Variants in MTF2 observed in about 807,000 individuals in gnomAD.
MTF2 encodes metal-response element-binding transcription factor 2.
MTF2 carries 11 observed loss-of-function variants against 79.5 expected under a neutral mutation model. The ratio of observed to expected loss-of-function variants is 0.14; its 90% CI spans 0.09 to 0.23. MTF2 has a LOEUF of 0.23. MTF2 is among the 10% of genes least tolerant of loss of function. MTF2 has a pLI of 1.00. For missense variants in MTF2, 486 were observed against 711.2 expected, an observed-to-expected ratio of 0.68 and a Z score of 3.60; for synonymous variants, 208 against 232.8, an observed-to-expected ratio of 0.89 and a Z score of 0.97.
rs1478126570 is a variant in MTF2 at position 93,133,662 on chromosome 1, CTTTATGCAGAGATTAAATGCA to C, written c.1161-39_1161-19del. The C allele has an allele frequency of 7.0e-7, 1 of 1,419,612 alleles. No individual in the cohort carries two copies. The highest frequency in any genetic ancestry group is 2.3e-5 in the East Asian group (1 of 43,664). 87.9% of individuals were successfully genotyped at this position (1,419,612 alleles called of 1,614,324 possible). A position where few individuals can be genotyped will look rare whatever the true frequency, so the allele number is the denominator to read the frequency against. ...TACATAGAGTCAATGTCTTTGTTTT[CTTTATGCAGAGATTAAATGCA>C]TAATGGTTTTCCATTTCAGGGAAGT... On this transcript the variant is annotated intron_variant, in intron 11 of 14. Transcript: ENST00000370298.
At chr1:93,097,543 CTAG>C (rs1433121846) in intron 1 of MTF2, among the ~76,000 whole-genome samples, 1 of 152,142 alleles carries the variant, frequency 6.6e-6, no homozygotes, top group Non-Finnish European at 1.5e-5. Context: ...ACTTAAAACC[CTAG>C]TATCCAGGGA....
chr1:93,114,427 T>G (rs2101063678), intron 3 of MTF2, among the ~76,000 whole-genome samples: 1 of 152,194 alleles, frequency 6.6e-6, no homozygotes, highest in African/African-American at 2.4e-5. Context: ...GAGAAATGAG[T>G]AATAAGGGAA....
rs569348941 is a variant in MTF2 at position 93,130,618 on chromosome 1, A to G, written c.1160+1170A>G. Among the ~76,000 whole-genome samples, 8 of 152,162 alleles carry G rather than the reference A, an allele frequency of 5.3e-5. No homozygotes were observed. In the South Asian group the frequency reaches 1.7e-3, roughly 32 times the overall value. ...GTTTTGGATGCTGTTTTGAGAATGG[A>G]TAGTATAGAGGTAAGAATAAAAGCA... On this transcript the variant is annotated intron_variant, in intron 11 of 14. Coordinates refer to ENST00000370298, the MANE Select transcript of MTF2 (RefSeq NM_007358.4).
At chr1:93,114,623 A>T (rs1034186167) in intron 3 of MTF2, 65 bp from the exon 4 acceptor site, 2 of 1,249,308 alleles carry the variant, frequency 1.6e-6, no homozygotes, top group East Asian at 4.8e-5. Context: ...ACTGAGTCAT[A>T]AAAGTGGTTT....
intron 1 of MTF2, among the ~76,000 whole-genome samples, chr1:93,088,104 A>T (rs1187458510): frequency 6.6e-6 from 1 of 152,022 alleles, no homozygotes; most frequent in Non-Finnish European, 1.5e-5. Context: ...AGAGCCCCTC[A>T]GTTCTCTTAT....
At chr1:93,081,799 A>G (rs1391151574) in intron 1 of MTF2, among the ~76,000 whole-genome samples, 1 of 152,224 alleles carries the variant, frequency 6.6e-6, no homozygotes, top group Non-Finnish European at 1.5e-5. Context: ...AAGTGAATTT[A>G]TAATTTAATT....
intron 1 of MTF2, among the ~76,000 whole-genome samples, chr1:93,084,304 G>C (rs1654743829): frequency 6.6e-6 from 1 of 152,084 alleles, no homozygotes; most frequent in African/African-American, 2.4e-5. Context: ...AACCATACAT[G>C]TAAAAGTTTG....
intron 1 of MTF2, among the ~76,000 whole-genome samples, chr1:93,079,968 A>G (rs1475343708): frequency 6.6e-6 from 1 of 151,994 alleles, no homozygotes; most frequent in Non-Finnish European, 1.5e-5. Context: ...GGACCTTAGC[A>G]GTGCGCAAAG....
At chr1:93,124,009 T>C (rs1048268153) in intron 9 of MTF2, among the ~76,000 whole-genome samples, 4 of 152,084 alleles carry the variant, frequency 2.6e-5, no homozygotes, top group Admixed American at 2.0e-4. Flanking sequence ...ATTACACTTT[T>C]GGAGATAATA....
rs1472549180 is a variant in MTF2, at chr1:93,115,206, AAG to A, written c.483+121_483+122del. ...AAATGAGCAATGAATGCTGGGTAGA[AAG>A]AGGTGCTATTTATTTGACTAATGAT... On this transcript the variant is annotated intron_variant, in intron 5 of 14. Transcript: ENST00000370298. 7 of 772,472 alleles carry A rather than the reference AAG, an allele frequency of 9.1e-6. No individual in the cohort carries two copies. In the East Asian group the frequency reaches 1.9e-4, roughly 21 times the overall value. 47.9% of individuals were successfully genotyped at this position (772,472 alleles called of 1,614,324 possible). A position where few individuals can be genotyped will look rare whatever the true frequency, so the allele number is the denominator to read the frequency against.
chr1:93,101,580 T>G (rs865858982), intron 1 of MTF2, among the ~76,000 whole-genome samples: 34 of 90,062 alleles, frequency 3.8e-4, no homozygotes, highest in African/African-American at 2.2e-3. Flanking sequence ...TTTTTTTTTT[T>G]TTTTTTTTTT....
chr1:93,121,743 CT>C (rs201456183), intron 9 of MTF2: 678 of 896,112 alleles, frequency 7.6e-4, no homozygotes, highest in Middle Eastern at 1.2e-3. Flanking sequence ...CTGTTAAATA[CT>C]TTTTTTTTAG....
chr1:93,079,306 G>C lies in MTF2; in HGVS notation c.-221G>C. 1.8e-6 allele frequency: 1 copy of C among 548,864 alleles called. No homozygotes were observed. The highest frequency in any genetic ancestry group is 3.2e-6 in the Non-Finnish European group (1 of 307,890). 34.0% of individuals were successfully genotyped at this position (548,864 alleles called of 1,614,324 possible). A position where few individuals can be genotyped will look rare whatever the true frequency, so the allele number is the denominator to read the frequency against. ...GCAGTCCGCGGGAAACCAAAATGGCGAGGGGCTGTATTGAAGTGGGCTGTG... is the reference window on the plus strand; with the variant it reads ...GCAGTCCGCGGGAAACCAAAATGGCCAGGGGCTGTATTGAAGTGGGCTGTG... On this transcript the variant is annotated 5_prime_UTR_variant, in exon 1 of 15. Transcript: ENST00000370298.
chr1:93,133,644 AGTCAAT>A, intron 11 of MTF2, 53 bp from the exon 12 acceptor site: 1 of 1,117,800 alleles, frequency 8.9e-7, no homozygotes, highest in Non-Finnish European at 1.3e-6. Context: ...ACATACATAG[AGTCAAT>A]GTCTTTGTTT....
intron 9 of MTF2, among the ~76,000 whole-genome samples, chr1:93,125,182 A>G (rs970754655): frequency 6.6e-6 from 1 of 151,850 alleles, no homozygotes. Flanking sequence ...AAATTTTCAG[A>G]TTTTTCAGAT....
intron 10 of MTF2, among the ~76,000 whole-genome samples, chr1:93,128,006 T>G (rs1656768712): frequency 6.6e-6 from 1 of 152,184 alleles, no homozygotes; most frequent in Non-Finnish European, 1.5e-5. Context: ...TGATAGTATT[T>G]CTTCATTAAA....
intron 10 of MTF2, among the ~76,000 whole-genome samples, chr1:93,127,509 G>T (rs1469636002): frequency 1.3e-5 from 2 of 152,136 alleles, no homozygotes; most frequent in Non-Finnish European, 2.9e-5. Context: ...GGGAATGGTG[G>T]GTGGGAGACA....
chr1:93,127,199 T>G (rs1656734473), intron 9 of MTF2, 33 bp from the exon 10 acceptor site: 2 of 1,463,560 alleles, frequency 1.4e-6, no homozygotes, highest in Non-Finnish European at 1.9e-6. Context: ...GATGAAATTG[T>G]AGTGCGTTAA....
intron 1 of MTF2, among the ~76,000 whole-genome samples, chr1:93,089,952 T>A (rs994232895): frequency 4.0e-5 from 6 of 151,644 alleles, no homozygotes; most frequent in African/African-American, 1.5e-4. Context: ...AGCTGGGATC[T>A]CAGGTGTGCA....
Sources: gnomAD v4.1 joint callset for allele counts (sites outside exome capture counted in the v4.1 genomes callset) on GRCh38, gnomAD v4.1.1 for gene constraint, MANE v1.5 for transcripts, NCBI Gene and HGNC (gene_info 2026-07-23, HGNC 2026-07-21) for gene names.